BIN3: variants seen among roughly 807,000 people sequenced by gnomAD.
The protein encoded by BIN3 is bridging integrator 3.
BIN3 carries 41 observed loss-of-function variants against 38.2 expected under a neutral mutation model. The ratio of observed to expected loss-of-function variants is 1.07; its 90% CI spans 0.84 to 1.39. The LOEUF (loss-of-function observed/expected upper bound fraction) is 1.39, where lower values mean the gene tolerates loss of function less well. Among genes scored for constraint, BIN3 ranks in the 40% most tolerant of loss-of-function variants. The pLI is 0.00. For missense variants in BIN3, 361 were observed against 324.3 expected (o/e 1.11, Z -0.87); for synonymous variants, 145 against 122.6 (o/e 1.18, Z -1.21).
chr8:22,654,010 A>G (rs149463183), intron 1 of BIN3, among the ~76,000 whole-genome samples: 132 of 152,302 alleles, frequency 8.7e-4, no homozygotes, highest in African/African-American at 2.8e-3. Flanking sequence ...TTTTCAACCA[A>G]TCACCCTGAT....
intron 1 of BIN3, among the ~76,000 whole-genome samples, chr8:22,649,850 C>CACCCAA (rs1554571392): frequency 1.7e-5 from 2 of 120,552 alleles, no homozygotes; most frequent in African/African-American, 3.1e-5. Flanking sequence ...CACACACACA[C>CACCCAA]ACACACACCC....
At chr8:22,666,646 A>T (rs1803431292) in intron 1 of BIN3, among the ~76,000 whole-genome samples, 2 of 152,148 alleles carry the variant, frequency 1.3e-5, no homozygotes, top group Non-Finnish European at 2.9e-5. Context: ...TGCACAGAGG[A>T]AGCAGAGAAC....
chr8:22,650,534 C>T (rs910075930), intron 1 of BIN3, among the ~76,000 whole-genome samples: 1 of 152,136 alleles, frequency 6.6e-6, no homozygotes, highest in Non-Finnish European at 1.5e-5. Flanking sequence ...ACTTTTATGG[C>T]TTCCTTTTGT....
At chr8:22,623,264 G>A (rs535174121) in intron 8 of BIN3, among the ~76,000 whole-genome samples, 2 of 152,316 alleles carry the variant, frequency 1.3e-5, no homozygotes, top group South Asian at 2.1e-4. Context: ...AAGGCTTGAA[G>A]ATGGAGGAGG....
intron 6 of BIN3, chr8:22,625,393 A>C (rs1801972962): frequency 1.4e-6 from 1 of 702,436 alleles, no homozygotes; most frequent in Non-Finnish European, 2.6e-6. Context: ...GTGACCCAGG[A>C]CCAGAAGAGT....
rs151164638 is a variant in BIN3 at position 22,661,131 on chromosome 8, C to T, written c.8+7913G>A. On this transcript the variant is annotated intron_variant, in intron 1 of 8. Coordinates refer to ENST00000276416, the MANE Select transcript of BIN3 (RefSeq NM_018688.6). ...ATCTCCTGGACTCAAGCGATCCTCC[C>T]GCCTTGGCCTCCCAAAGTGCTGGGA... Among the ~76,000 whole-genome samples, 466 of 152,240 alleles carry T rather than the reference C, an allele frequency of 3.1e-3. 5 individuals carry two copies. The highest frequency in any genetic ancestry group is 0.011 in the African/African-American group (440 of 41,548).
intron 2 of BIN3, among the ~76,000 whole-genome samples, chr8:22,643,292 C>G (rs1422599081): frequency 1.3e-5 from 2 of 152,128 alleles, no homozygotes; most frequent in African/African-American, 2.4e-5. Flanking sequence ...CTGAGTTGGT[C>G]AGCACCCTGC....
chr8:22,630,165 G>A (rs753644962), intron 5 of BIN3, among the ~76,000 whole-genome samples, 161 bp from the exon 6 acceptor site: 1 of 152,220 alleles, frequency 6.6e-6, no homozygotes, highest in Non-Finnish European at 1.5e-5. Context: ...CGGGTGGCTG[G>A]CCACAGAAGC....
chr8:22,623,565 T>C (rs1334648333), intron 8 of BIN3, among the ~76,000 whole-genome samples: 1 of 152,144 alleles, frequency 6.6e-6, no homozygotes, highest in Non-Finnish European at 1.5e-5. Context: ...CCCTTTCTTC[T>C]CGGCACCACC....
At chr8:22,625,501 A>G in intron 6 of BIN3, 1 of 683,384 alleles carries the variant, frequency 1.5e-6, no homozygotes. Context: ...CTCAGAGTTG[A>G]GAGGATGCTG....
At chr8:22,630,788 C>A (rs913213618) in intron 4 of BIN3, among the ~76,000 whole-genome samples, 6 of 152,138 alleles carry the variant, frequency 3.9e-5, no homozygotes, top group African/African-American at 1.4e-4. Flanking sequence ...CTGCTCCAGA[C>A]AATTCTTTTG....
chr8:22,641,544 A>T (rs1802560718), intron 2 of BIN3, among the ~76,000 whole-genome samples: 1 of 152,192 alleles, frequency 6.6e-6, no homozygotes, highest in Non-Finnish European at 1.5e-5. Context: ...AGAAGCCCAG[A>T]ATCCTCAGCA....
chr8:22,651,971 C>T (rs1161641541), intron 1 of BIN3, among the ~76,000 whole-genome samples: 1 of 147,942 alleles, frequency 6.8e-6, no homozygotes, highest in East Asian at 1.9e-4. Context: ...ATTTCATCTT[C>T]TAACGCTTCT....
chr8:22,636,183 G>C (rs1802359899), intron 4 of BIN3, among the ~76,000 whole-genome samples: 1 of 152,230 alleles, frequency 6.6e-6, no homozygotes, highest in Admixed American at 6.5e-5. Flanking sequence ...CTGCGGGAAG[G>C]AATGTGCTTC....
At chr8:22,655,068 C>T (rs913757448) in intron 1 of BIN3, among the ~76,000 whole-genome samples, 2 of 152,116 alleles carry the variant, frequency 1.3e-5, no homozygotes, top group South Asian at 2.1e-4. Context: ...TGACGTTAAG[C>T]GTCTTTTCAT....
chr8:22,638,049 A>G (rs958990316), intron 2 of BIN3, among the ~76,000 whole-genome samples: 2 of 148,802 alleles, frequency 1.3e-5, no homozygotes, highest in South Asian at 4.3e-4. Context: ...ATTCTCCTGG[A>G]AGGCATTTGC....
chr8:22,651,066 G>T (rs1802875124), intron 1 of BIN3, among the ~76,000 whole-genome samples: 1 of 152,160 alleles, frequency 6.6e-6, no homozygotes, highest in Non-Finnish European at 1.5e-5. Flanking sequence ...CCAAGTCAAA[G>T]CTCCAGCTAT....
intron 2 of BIN3, among the ~76,000 whole-genome samples, chr8:22,639,300 T>C (rs1466867600): frequency 1.3e-5 from 2 of 152,032 alleles, no homozygotes; most frequent in Non-Finnish European, 2.9e-5. Context: ...GGTGGCATCA[T>C]GGCTCACTGC....
At chr8:22,667,696 A>G (rs1803467022) in intron 1 of BIN3, among the ~76,000 whole-genome samples, 1 of 152,224 alleles carries the variant, frequency 6.6e-6, no homozygotes, top group Non-Finnish European at 1.5e-5. Context: ...CTCCTGGAGC[A>G]AATGGTGGAG....
Sources: allele counts gnomAD v4.1 joint callset (sites outside exome capture counted in the v4.1 genomes callset), GRCh38; gene constraint gnomAD v4.1.1; transcripts MANE v1.5; gene names NCBI Gene and HGNC (gene_info 2026-07-23, HGNC 2026-07-21).